The following VRK2 variants were observed in gnomAD, a reference collection of about 807,000 sequenced individuals.
The protein encoded by VRK2 is VRK serine/threonine kinase 2, also known as serine/threonine-protein kinase VRK2.
VRK2 carries 60 observed loss-of-function variants against 57.6 expected under a neutral mutation model. The ratio of observed to expected loss-of-function variants is 1.04; its 90% CI spans 0.85 to 1.29. The LOEUF is 1.29. Ranked by LOEUF, VRK2 falls within the 50% of genes most tolerant of loss-of-function variation. The pLI, the probability that VRK2 is intolerant of heterozygous loss-of-function variation, is 0.00. For synonymous variants in VRK2, 231 were observed against 199.2 expected (o/e 1.16, Z -1.35); for missense variants, 705 against 588.1 (o/e 1.20, Z -2.06).
chr2:58,047,415 G>A (rs557709240), intron 1 of VRK2: 3 of 985,366 alleles, frequency 3.0e-6, no homozygotes, highest in Admixed American at 1.2e-4. Flanking sequence ...ACAGGGACGG[G>A]CCCTGAGAGG....
At chr2:57,967,661 T>A (rs1336728851) in intron 1 of VRK2, among the ~76,000 whole-genome samples, 1 of 151,296 alleles carries the variant, frequency 6.6e-6, no homozygotes, top group Non-Finnish European at 1.5e-5. Context: ...ATGCTAAGGT[T>A]AGAGCACTTA....
intron 1 of VRK2, among the ~76,000 whole-genome samples, chr2:57,936,151 T>C (rs1296678587): frequency 6.6e-6 from 1 of 152,174 alleles, no homozygotes; most frequent in African/African-American, 2.4e-5. Context: ...CAATGTAAAA[T>C]AGTAAATCTG....
At chr2:58,094,194 C>T (rs1672793346) in intron 7 of VRK2, among the ~76,000 whole-genome samples, 1 of 151,916 alleles carries the variant, frequency 6.6e-6, no homozygotes, top group African/African-American at 2.4e-5. Context: ...TTTTCCAATT[C>T]TGTGAAGAAA....
At chr2:58,081,685 A>G (rs1278714915) in intron 2 of VRK2, among the ~76,000 whole-genome samples, 3 of 151,756 alleles carry the variant, frequency 2.0e-5, no homozygotes, top group Non-Finnish European at 4.4e-5. Context: ...AACTCTGATT[A>G]TGTTTTTTCT....
At chr2:58,122,968 TA>T in intron 7 of VRK2, 132 bp from the exon 8 acceptor site, 1 of 1,136,522 alleles carries the variant, frequency 8.8e-7, no homozygotes, top group Non-Finnish European at 1.2e-6. Context: ...TATTTTATCC[TA>T]AGGCACCATT....
At chr2:58,102,644 C>T (rs1674159539) in intron 7 of VRK2, among the ~76,000 whole-genome samples, 1 of 151,502 alleles carries the variant, frequency 6.6e-6, no homozygotes, top group African/African-American at 2.4e-5. Flanking sequence ...GATAGCAATA[C>T]AATAATAATG....
intron 2 of VRK2, among the ~76,000 whole-genome samples, chr2:58,050,555 A>G (rs78709125): frequency 0.019 from 2,919 of 152,304 alleles, 106 homozygotes; most frequent in African/African-American, 0.068. Context: ...TTGGTTTTCT[A>G]ATATTTGTAT....
chr2:58,058,262 C>A, intron 2 of VRK2: 1 of 442,856 alleles, frequency 2.3e-6, no homozygotes, highest in Non-Finnish European at 4.7e-6. Flanking sequence ...TTCTATTTAA[C>A]TTTTGGGAAT....
intron 8 of VRK2, among the ~76,000 whole-genome samples, chr2:58,127,889 A>G (rs1678604808): frequency 6.6e-6 from 1 of 152,192 alleles, no homozygotes; most frequent in African/African-American, 2.4e-5. Flanking sequence ...TAAATCTTGG[A>G]ATTAATACTT....
At chr2:57,939,754 T>C (rs1445960110) in intron 1 of VRK2, among the ~76,000 whole-genome samples, 2 of 152,242 alleles carry the variant, frequency 1.3e-5, no homozygotes, top group Admixed American at 1.3e-4. Context: ...TTGAAGTTGA[T>C]GGCATATTTT....
At chr2:57,912,147 G>C (rs1167606376) in intron 1 of VRK2, among the ~76,000 whole-genome samples, 1 of 152,212 alleles carries the variant, frequency 6.6e-6, no homozygotes, top group Non-Finnish European at 1.5e-5. Flanking sequence ...TTTTCAGCTA[G>C]ATTCTAACTT....
intron 12 of VRK2, among the ~76,000 whole-genome samples, chr2:58,153,578 A>G (rs1173994892): frequency 1.3e-5 from 2 of 151,930 alleles, no homozygotes; most frequent in South Asian, 4.1e-4. Flanking sequence ...TCGTCATTTT[A>G]TATTATTCTT....
chr2:57,924,652 A>T (rs1376625077), intron 1 of VRK2, among the ~76,000 whole-genome samples: 1 of 151,958 alleles, frequency 6.6e-6, no homozygotes, highest in Non-Finnish European at 1.5e-5. Context: ...TCTGCAAGTA[A>T]GGATAATCTG....
At chr2:58,028,899 AATAAATATATATATATATATATATATAT>A (rs1163352288) in intron 2 of VRK2, among the ~76,000 whole-genome samples, 5 of 80,872 alleles carry the variant, frequency 6.2e-5, no homozygotes, top group African/African-American at 1.8e-4. Context: ...TAAATAAATA[AATAAATATATATATATATATATATATAT>A]ATATATATAT....
intron 2 of VRK2, among the ~76,000 whole-genome samples, chr2:58,031,225 T>C (rs932357136): frequency 1.3e-5 from 2 of 152,080 alleles, no homozygotes; most frequent in African/African-American, 4.8e-5. Context: ...GTGTCTGCAC[T>C]GTGGGTACCA....
chr2:57,962,606 T>C (rs950248601), intron 1 of VRK2, among the ~76,000 whole-genome samples: 3 of 152,276 alleles, frequency 2.0e-5, no homozygotes, highest in Middle Eastern at 3.4e-3. Flanking sequence ...CTGTGTCTCT[T>C]GTTTCCTTCT....
intron 6 of VRK2, 82 bp downstream of exon 6, chr2:58,088,528 A>G (rs1671948127): frequency 9.1e-7 from 1 of 1,093,572 alleles, no homozygotes; most frequent in Non-Finnish European, 1.4e-6. Flanking sequence ...TTGTGGAATT[A>G]TTAGAGAATG....
intron 1 of VRK2, among the ~76,000 whole-genome samples, chr2:57,985,357 G>A (rs558178560): frequency 2.0e-5 from 3 of 151,944 alleles, no homozygotes; most frequent in South Asian, 2.1e-4. Flanking sequence ...ATTAATAAAC[G>A]TAAAGATTTG....
At chr2:58,047,668 C>G (rs569986423) in intron 1 of VRK2, among the ~76,000 whole-genome samples, 1 of 152,172 alleles carries the variant, frequency 6.6e-6, no homozygotes, top group Non-Finnish European at 1.5e-5. Context: ...GAAACCTCCA[C>G]AAAAACTTTT....
Sources: allele counts gnomAD v4.1 joint callset (sites outside exome capture counted in the v4.1 genomes callset), GRCh38; gene constraint gnomAD v4.1.1; transcripts MANE v1.5; gene names NCBI Gene and HGNC (gene_info 2026-07-23, HGNC 2026-07-21).